Variants in TMEM132D observed in about 807,000 individuals in gnomAD.
TMEM132D encodes the protein mature OL transmembrane protein.
Under a neutral mutation model 62.3 loss-of-function variants are expected in TMEM132D, and 21 were observed. That is an observed-to-expected ratio of 0.34 (90% CI 0.24 to 0.49). TMEM132D has a LOEUF of 0.49. TMEM132D is among the 20% of genes least tolerant of loss of function. The pLI is 0.99. For missense variants in TMEM132D, 1,346 were observed against 1,402.8 expected (o/e 0.96, Z 0.65); for synonymous variants, 621 against 575.6 (o/e 1.08, Z -1.13).
intron 3 of TMEM132D, among the ~76,000 whole-genome samples, chr12:129,471,008 G>C (rs1490479824): frequency 6.6e-6 from 1 of 152,122 alleles, no homozygotes; most frequent in African/African-American, 2.4e-5. Context: ...GCATTTCTGG[G>C]ATCTAGGAAA....
chr12:129,772,160 G>A (rs1288908083), intron 1 of TMEM132D, among the ~76,000 whole-genome samples: 1 of 151,956 alleles, frequency 6.6e-6, no homozygotes, highest in Non-Finnish European at 1.5e-5. Context: ...ATAAACTATT[G>A]ACCTGTCTCA....
intron 3 of TMEM132D, among the ~76,000 whole-genome samples, chr12:129,401,839 G>A (rs1453729995): frequency 2.0e-5 from 3 of 152,068 alleles, no homozygotes; most frequent in Non-Finnish European, 4.4e-5. Context: ...TCTAGCACAG[G>A]GCCCTGTACT....
intron 5 of TMEM132D, among the ~76,000 whole-genome samples, chr12:129,099,338 A>G (rs56162455): frequency 0.13 from 20,411 of 152,202 alleles, 4,576 homozygotes; most frequent in African/African-American, 0.46. Flanking sequence ...TTAACCTGCC[A>G]TTTTTGAGTT....
intron 2 of TMEM132D, among the ~76,000 whole-genome samples, chr12:129,690,398 G>A (rs1331388010): frequency 6.6e-6 from 1 of 152,098 alleles, no homozygotes; most frequent in Admixed American, 6.6e-5. Flanking sequence ...AATTAAAAGA[G>A]AGAGATTGTC....
Position 129,371,454 on chromosome 12 carries a change from T to A in TMEM132D, c.1116-33637A>T, listed in dbSNP as rs1020919844. 6.6e-6 allele frequency among the ~76,000 whole-genome samples: 1 copy of A among 151,784 alleles called. No homozygotes were observed. Among genetic ancestry groups the A allele is most frequent in the African/African-American group, 2.4e-5 (1 of 41,290 alleles). ...GATGATGATGATGTGATATTGATGA[T>A]GGTGGTAATGACGATGATGATGTGA... On this transcript the variant is annotated intron_variant, in intron 3 of 8. Transcript: ENST00000422113. This position sits in a 1 kb window ranked among gnomAD's most constrained non-coding sequence, Gnocchi z 4.3.
intron 2 of TMEM132D, among the ~76,000 whole-genome samples, chr12:129,696,722 G>A (rs769589775): frequency 6.6e-6 from 1 of 152,208 alleles, no homozygotes; most frequent in Non-Finnish European, 1.5e-5. Context: ...GCTCTCAGTG[G>A]GGGAGGGACA....
chr12:129,272,347 C>T (rs987009300), intron 4 of TMEM132D, among the ~76,000 whole-genome samples: 1 of 151,784 alleles, frequency 6.6e-6, no homozygotes, highest in Non-Finnish European at 1.5e-5. Context: ...GGAACCAAGC[C>T]ATCAGTAAGT....
chr12:129,519,368 G>A (rs1483448313), intron 3 of TMEM132D, among the ~76,000 whole-genome samples: 1 of 152,098 alleles, frequency 6.6e-6, no homozygotes, highest in Non-Finnish European at 1.5e-5. Flanking sequence ...ACACTTACTT[G>A]AAATCACAGT....
intron 2 of TMEM132D, among the ~76,000 whole-genome samples, chr12:129,580,529 T>A (rs980979254): frequency 6.6e-6 from 1 of 151,892 alleles, no homozygotes; most frequent in East Asian, 1.9e-4. Flanking sequence ...CAGAAACAAA[T>A]ACTGAGATCC....
At chr12:129,245,971 C>T (rs2135587334) in intron 4 of TMEM132D, among the ~76,000 whole-genome samples, 1 of 152,316 alleles carries the variant, frequency 6.6e-6, no homozygotes, top group Admixed American at 6.5e-5. Context: ...ATGACGTCAT[C>T]TGTCTGCACT....
At chr12:129,814,097 CA>C (rs1565995198) in intron 1 of TMEM132D, among the ~76,000 whole-genome samples, 1 of 152,106 alleles carries the variant, frequency 6.6e-6, no homozygotes, top group South Asian at 2.1e-4. Flanking sequence ...TGAAATAAGC[CA>C]ACCACAGACA....
chr12:129,455,917 C>T (rs1335573818), intron 3 of TMEM132D, among the ~76,000 whole-genome samples: 1 of 152,156 alleles, frequency 6.6e-6, no homozygotes, highest in Admixed American at 6.5e-5. Context: ...GACAACCCTA[C>T]TCTCTATGTG....
chr12:129,097,739 C>T (rs1875161392), intron 5 of TMEM132D, among the ~76,000 whole-genome samples: 3 of 152,172 alleles, frequency 2.0e-5, no homozygotes, highest in African/African-American at 4.8e-5. Context: ...TGTCCATTTA[C>T]GTAGAAAAGG....
At chr12:129,868,303 G>A (rs1330941242) in intron 1 of TMEM132D, among the ~76,000 whole-genome samples, 1 of 152,142 alleles carries the variant, frequency 6.6e-6, no homozygotes, top group Non-Finnish European at 1.5e-5. Context: ...CGTTTATATG[G>A]TACATACATC....
At chr12:129,314,883 A>G (rs1868434280) in intron 4 of TMEM132D, among the ~76,000 whole-genome samples, 1 of 151,850 alleles carries the variant, frequency 6.6e-6, no homozygotes, top group East Asian at 1.9e-4. Context: ...TTATTTATTT[A>G]TCTATCTATT....
intron 4 of TMEM132D, among the ~76,000 whole-genome samples, chr12:129,271,881 G>A (rs1880861967): frequency 6.6e-6 from 1 of 151,870 alleles, no homozygotes; most frequent in Non-Finnish European, 1.5e-5. Context: ...ACATGTGCAT[G>A]TGTCTTTCTA....
At chr12:129,881,365 C>A (rs1412282143) in intron 1 of TMEM132D, among the ~76,000 whole-genome samples, 1 of 151,866 alleles carries the variant, frequency 6.6e-6, no homozygotes, top group African/African-American at 2.4e-5. Flanking sequence ...TTGACATTTA[C>A]AGAGCACTCC....
At chr12:129,476,538 T>G (rs1333970190) in intron 3 of TMEM132D, among the ~76,000 whole-genome samples, 1 of 152,152 alleles carries the variant, frequency 6.6e-6, no homozygotes, top group African/African-American at 2.4e-5. Context: ...CAGACACTGA[T>G]CTTCCCAACA....
chr12:129,520,642 A>G (rs1039182406), intron 3 of TMEM132D, among the ~76,000 whole-genome samples: 1 of 152,220 alleles, frequency 6.6e-6, no homozygotes, highest in East Asian at 1.9e-4. Context: ...AAGCTTCACC[A>G]TTTTTATACC....
Sources: allele counts gnomAD v4.1 joint callset (sites outside exome capture counted in the v4.1 genomes callset), GRCh38; gene constraint gnomAD v4.1.1; non-coding constraint Gnocchi (gnomAD v3.1); transcripts MANE v1.5; gene names NCBI Gene and HGNC (gene_info 2026-07-23, HGNC 2026-07-21).